Variants in RNF40 observed in about 807,000 individuals in gnomAD.
RNF40 encodes E3 ubiquitin-protein ligase BRE1B.
A neutral mutation model predicts 123.3 loss-of-function variants in RNF40; 39 were observed. The ratio of observed to expected loss-of-function variants is 0.32; its 90% CI spans 0.24 to 0.41. The LOEUF (loss-of-function observed/expected upper bound fraction) is 0.41. Ranked by LOEUF, RNF40 falls within the 10% of genes least tolerant of loss-of-function variation. The pLI is 1.00. For missense variants in RNF40, 1,003 were observed against 1,319.9 expected, an observed-to-expected ratio of 0.76 and a Z score of 3.72; for synonymous variants, 538 against 526.0, an observed-to-expected ratio of 1.02 and a Z score of -0.31.
chr16:30,766,552 C>G lies in RNF40; in HGVS notation c.1287C>G (p.His429Gln). The G allele has an allele frequency of 4.4e-6, 7 of 1,608,750 alleles. No individual in the cohort carries two copies. Among genetic ancestry groups the G allele is most frequent in the Non-Finnish European group, 5.9e-6 (7 of 1,177,002 alleles). ...TKNSHLRHIE[H>Q]MESDELGLQK... ...ACTCCCACCTGCGACACATCGAGCACATGGAGGTATGGCCCTGGAACAGGC... is the reference window on the plus strand; with the variant it reads ...ACTCCCACCTGCGACACATCGAGCAGATGGAGGTATGGCCCTGGAACAGGC... The change falls in exon 10 of 20, where the codon CAC becomes CAG. Residue 429 changes from histidine (H) to glutamine (Q), a missense_variant. This residue lies in a region of RNF40 where 274 missense variants were observed against 356.9 expected (regional missense o/e 0.77). Coordinates refer to ENST00000324685, the MANE Select transcript of RNF40 (RefSeq NM_014771.4). This position sits in a 1 kb window ranked among gnomAD's most constrained non-coding sequence, Gnocchi z 5.4.
Position 30,768,032 on chromosome 16 carries a change from C to T in RNF40, c.1551+17C>T. ...ATTGGCAAGGTGAGAAGGGGCCTGCCTGGGAAAAGGTTTGGCTAGACTCCA... is the reference window on the plus strand; with the variant it reads ...ATTGGCAAGGTGAGAAGGGGCCTGCTTGGGAAAAGGTTTGGCTAGACTCCA... On this transcript the variant is annotated intron_variant, in intron 12 of 19. Coordinates refer to ENST00000324685, the MANE Select transcript of RNF40 (RefSeq NM_014771.4). This position sits in a 1 kb window ranked among gnomAD's most constrained non-coding sequence, Gnocchi z 4.1. The T allele has an allele frequency of 1.9e-6, 3 of 1,614,256 alleles. No homozygotes were observed. The highest frequency in any genetic ancestry group is 2.5e-6 in the Non-Finnish European group (3 of 1,180,046).
intron 11 of RNF40, among the ~76,000 whole-genome samples, chr16:30,767,459 A>C (rs1456037110): frequency 2.6e-5 from 4 of 152,034 alleles, no homozygotes; most frequent in Admixed American, 6.6e-5. Context: ...ACTTTTGTGA[A>C]TGTTACAGTT....
chr16:30,775,999 G>C lies in RNF40; in HGVS notation c.*1885G>C, dbSNP rs2054228968. 1 of 152,180 alleles carries C rather than the reference G, an allele frequency of 6.6e-6. No homozygotes were observed. The highest frequency in any genetic ancestry group is 6.5e-5 in the Admixed American group (1 of 15,276). 9.4% of individuals were successfully genotyped at this position (152,180 alleles called of 1,614,324 possible). On this transcript the variant is annotated 3_prime_UTR_variant, in exon 20 of 20. Transcript: ENST00000324685. Reference sequence around the variant, plus strand: ...GACATCGGGCCGCAGAGAAAGTGCCGATGGCCTGGGGCAGCGGTGCGAGGG... The same window carrying C: ...GACATCGGGCCGCAGAGAAAGTGCCCATGGCCTGGGGCAGCGGTGCGAGGG...
intron 2 of RNF40, 98 bp from the exon 3 acceptor site, chr16:30,763,020 C>A (rs887233226): frequency 7.6e-7 from 1 of 1,322,026 alleles, no homozygotes; most frequent in Non-Finnish European, 1.1e-6. Context: ...ACCTCCATCT[C>A]CCATGCATTG....
intron 19 of RNF40, 44 bp downstream of exon 19, chr16:30,772,234 T>C: frequency 1.4e-6 from 2 of 1,453,958 alleles, no homozygotes; most frequent in Non-Finnish European, 1.9e-6. Flanking sequence ...CTGAGAATTG[T>C]AGATGCAGGA....
chr16:30,772,248 C>A, intron 19 of RNF40, 58 bp downstream of exon 19: 1 of 1,378,042 alleles, frequency 7.3e-7, no homozygotes, highest in Non-Finnish European at 1.0e-6. Context: ...TGCAGGATTG[C>A]TGAGACTAGT....
At position 30,774,192 on chromosome 16, in the gene RNF40, T is replaced by G; in HGVS notation, c.*78T>G. 6.9e-7 allele frequency: 1 copy of G among 1,459,492 alleles called. No homozygotes were observed. The highest frequency in any genetic ancestry group is 1.3e-5 in the South Asian group (1 of 74,712). 90.4% of individuals were successfully genotyped at this position (1,459,492 alleles called of 1,614,324 possible). ...CATCTCCTCCCCACCCCAGGTCTAG[T>G]GGCCCCACCCTCCATTCCGGACCCC... is the stretch of plus-strand genomic sequence containing the variant. On this transcript the variant is annotated 3_prime_UTR_variant, in exon 20 of 20. Transcript: ENST00000324685.
chr16:30,765,586 C>T (rs2054013502), intron 8 of RNF40, 87 bp downstream of exon 8: 1 of 1,207,308 alleles, frequency 8.3e-7, no homozygotes, highest in South Asian at 1.3e-5. Context: ...GACAAACATC[C>T]ATCTCTGAGG....
rs2151328925 is a variant in RNF40 at position 30,766,523 on chromosome 16, A to G, written c.1258A>G (p.Lys420Glu). Residue 420 changes from lysine to glutamate, a missense_variant, in exon 10 of 20, where the codon AAG becomes GAG. Around this residue, in one of 11 missense-constraint regions of RNF40, gnomAD observed 274 missense variants for 356.9 expected, o/e 0.77. Coordinates refer to ENST00000324685, the MANE Select transcript of RNF40 (RefSeq NM_014771.4). The surrounding 1 kb of genome is among the most constrained non-coding windows in gnomAD (Gnocchi z 5.4). ...GGCTCGGGGCCTGCTGCTGGCCACA[A>G]AGAACTCCCACCTGCGACACATCGA... is the stretch of plus-strand genomic sequence containing the variant. ...DEARGLLLAT[K>E]NSHLRHIEHM... 6.2e-7 allele frequency: 1 copy of G among 1,612,874 alleles called. No individual in the cohort carries two copies. Among genetic ancestry groups the G allele is most frequent in the Non-Finnish European group, 8.5e-7 (1 of 1,179,574 alleles).
At position 30,766,883 on chromosome 16, in the gene RNF40, G is replaced by A. The variant is rs200457145; in HGVS notation, c.1429+7G>A. 2 of 1,612,340 alleles carry A rather than the reference G, an allele frequency of 1.2e-6. No homozygotes were observed. Among genetic ancestry groups the A allele is most frequent in the Non-Finnish European group, 1.7e-6 (2 of 1,179,742 alleles). On this transcript the variant is annotated splice_region_variant and intron_variant, in intron 11 of 19. Transcript: ENST00000324685. This position sits in a 1 kb window ranked among gnomAD's most constrained non-coding sequence, Gnocchi z 5.4. ...GCGGCCAACGAGCAGGCGGGTATGT[G>A]GTGAGGATAGGGCGGAGGTGGGGCC...
In RNF40 at chr16:30,762,510, C is replaced by A; in HGVS notation, c.-36C>A. The A allele has an allele frequency of 6.4e-7, 1 of 1,558,448 alleles. No homozygotes were observed. Among genetic ancestry groups the A allele is most frequent in the South Asian group, 1.2e-5 (1 of 85,586 alleles). ...TACCGCCTCCTCCCGTTTGACGCCCCTCAGGGGACCCTGCATCGCTCCAGC... is the reference window on the plus strand; with the variant it reads ...TACCGCCTCCTCCCGTTTGACGCCCATCAGGGGACCCTGCATCGCTCCAGC... On this transcript the variant is annotated 5_prime_UTR_variant, in exon 2 of 20. Transcript: ENST00000324685.
At position 30,772,294 on chromosome 16, in the gene RNF40, G is replaced by C. The variant is rs757716169; in HGVS notation, c.2829+104G>C. The C allele has an allele frequency of 1.1e-5, 10 of 914,376 alleles. No individual in the cohort carries two copies. The East Asian group carries it at 1.3e-4, about 12-fold the overall frequency. The allele number at this position is 914,376 out of a possible 1,614,324, so 56.6% of individuals were successfully genotyped here. On this transcript the variant is annotated intron_variant, in intron 19 of 19. Transcript: ENST00000324685. ...GGGACCCTGGAAGTAATGTAGGGCA[G>C]CAGAAAGTGGGCAGCACAGTGGTCA...
chr16:30,772,510 G>C (rs769857346), intron 19 of RNF40, among the ~76,000 whole-genome samples: 13 of 152,074 alleles, frequency 8.5e-5, no homozygotes, highest in Non-Finnish European at 1.8e-4. Context: ...GGGCTGAGGG[G>C]ACTCAGGGGA....
In RNF40 at chr16:30,765,139, C is replaced by G. The variant is rs747560462; in HGVS notation, c.772-42C>G. On this transcript the variant is annotated intron_variant, in intron 6 of 19. Transcript: ENST00000324685. ...GATGGGCACTCAGGGACCTCAGGAA[C>G]CAAGTCCCCCATCCAAGCATCTGCT... The G allele has an allele frequency of 2.5e-6, 4 of 1,611,790 alleles. No homozygotes were observed. In the South Asian group the frequency reaches 4.4e-5, roughly 18 times the overall value.
Position 30,766,721 on chromosome 16 carries a change from C to T in RNF40, c.1294-20C>T. ...GTGGGACCGAGGGGCTGTGTGGGTC[C>T]TTAACACATCAACCCACAGAGCGAC... On this transcript the variant is annotated intron_variant, in intron 10 of 19. Transcript: ENST00000324685. This position sits in a 1 kb window ranked among gnomAD's most constrained non-coding sequence, Gnocchi z 5.4. 2 of 1,613,756 alleles carry T rather than the reference C, an allele frequency of 1.2e-6. No individual in the cohort carries two copies. The highest frequency in any genetic ancestry group is 1.7e-6 in the Non-Finnish European group (2 of 1,179,940).
intron 17 of RNF40, among the ~76,000 whole-genome samples, chr16:30,770,712 TTTTG>T (rs1181772655): frequency 6.6e-6 from 1 of 152,212 alleles, no homozygotes; most frequent in African/African-American, 2.4e-5. Flanking sequence ...TTTGTGGTTT[TTTTG>T]TTGTTGTTTT....
At chr16:30,771,033 C>T (rs1024382129) in intron 17 of RNF40, among the ~76,000 whole-genome samples, 16 of 152,104 alleles carry the variant, frequency 1.1e-4, no homozygotes, top group Non-Finnish European at 2.1e-4. Flanking sequence ...TATTTTACAT[C>T]CCTGCTATGT....
intron 17 of RNF40, among the ~76,000 whole-genome samples, chr16:30,770,027 A>C (rs1290741508): frequency 6.6e-6 from 1 of 151,658 alleles, no homozygotes; most frequent in African/African-American, 2.4e-5. Context: ...ACTTGAACCC[A>C]GGAGGTTGAG....
At chr16:30,770,752 C>T (rs140753398) in intron 17 of RNF40, among the ~76,000 whole-genome samples, 365 of 152,156 alleles carry the variant, frequency 2.4e-3, no homozygotes, top group Admixed American at 5.2e-3. Flanking sequence ...AGCTCTGTTG[C>T]CCAGGCTGGA....
Sources: allele counts gnomAD v4.1 joint callset (sites outside exome capture counted in the v4.1 genomes callset), GRCh38; gene constraint gnomAD v4.1.1; regional missense constraint gnomAD v4.1.1; non-coding constraint Gnocchi (gnomAD v3.1); transcripts MANE v1.5; gene names NCBI Gene and HGNC (gene_info 2026-07-23, HGNC 2026-07-21).